The following CLASP1 variants were observed in gnomAD, a reference collection of about 807,000 sequenced individuals.
The protein encoded by CLASP1 is CLIP-associating protein 1.
A neutral mutation model predicts 192.3 loss-of-function variants in CLASP1; 38 were observed. The observed-to-expected ratio is 0.20, with a 90% CI of 0.15 to 0.26. The LOEUF (loss-of-function observed/expected upper bound fraction) is 0.26, where lower values mean the gene tolerates loss of function less well. CLASP1 is among the 10% of genes least tolerant of loss of function. The pLI is 1.00. For synonymous variants in CLASP1, 691 were observed against 712.8 expected, an observed-to-expected ratio of 0.97 and a Z score of 0.49; for missense variants, 1,433 against 1,932.5, an observed-to-expected ratio of 0.74 and a Z score of 4.85.
At chr2:121,464,089 T>G (rs1293845219) in intron 9 of CLASP1, among the ~76,000 whole-genome samples, 1 of 149,896 alleles carries the variant, frequency 6.7e-6, no homozygotes, top group Non-Finnish European at 1.5e-5. Context: ...AGTGAGCATA[T>G]GCGGTGTTTG....
intron 20 of CLASP1, 49 bp downstream of exon 20, chr2:121,430,024 G>C (rs754430394): frequency 1.3e-5 from 18 of 1,334,156 alleles, no homozygotes; most frequent in South Asian, 5.0e-5. Context: ...TGCAGAATGA[G>C]CTGTTGAATA....
intron 1 of CLASP1, among the ~76,000 whole-genome samples, chr2:121,640,226 G>C (rs1280956970): frequency 3.9e-5 from 6 of 151,980 alleles, no homozygotes; most frequent in Non-Finnish European, 8.8e-5. Context: ...GCCATGGGGT[G>C]GGGGGCCGGG....
exon 35 of CLASP1, chr2:121,367,714 G>A (rs1573884981): frequency 4.3e-6 from 7 of 1,613,992 alleles, no homozygotes; most frequent in Middle Eastern, 1.6e-4. Context: ...GGGAAGGCGC[G>A]CGGAGGCTGG....
chr2:121,558,137 A>C (rs2058742985), intron 2 of CLASP1, among the ~76,000 whole-genome samples: 1 of 152,234 alleles, frequency 6.6e-6, no homozygotes, highest in Non-Finnish European at 1.5e-5. Flanking sequence ...TAAATCATAC[A>C]ATCTATTGTT....
chr2:121,577,214 C>G (rs1383562683), intron 2 of CLASP1, among the ~76,000 whole-genome samples: 1 of 149,114 alleles, frequency 6.7e-6, no homozygotes, highest in Non-Finnish European at 1.5e-5. Context: ...TTTACTCTTA[C>G]GTATCTTTAA....
chr2:121,498,792 A>C (rs1392775287), intron 8 of CLASP1, among the ~76,000 whole-genome samples: 1 of 152,236 alleles, frequency 6.6e-6, no homozygotes, highest in Non-Finnish European at 1.5e-5. Flanking sequence ...AAGGTATTTA[A>C]AGGGCTAATA....
intron 8 of CLASP1, among the ~76,000 whole-genome samples, chr2:121,484,985 T>C (rs553883251): frequency 1.3e-5 from 2 of 152,326 alleles, no homozygotes; most frequent in African/African-American, 4.8e-5. Flanking sequence ...ATGACATTTG[T>C]AAAGACAAAT....
At chr2:121,488,273 C>T (rs1483371958) in intron 8 of CLASP1, among the ~76,000 whole-genome samples, 2 of 152,228 alleles carry the variant, frequency 1.3e-5, no homozygotes, top group Non-Finnish European at 2.9e-5. Flanking sequence ...AACCTTCATA[C>T]CTCCTGTTAT....
chr2:121,528,590 C>T (rs1482947676), intron 4 of CLASP1, 87 bp downstream of exon 4: 2 of 986,396 alleles, frequency 2.0e-6, no homozygotes, highest in Non-Finnish European at 3.3e-6. Context: ...TGGAGTCACA[C>T]CATTTGTGCA....
At chr2:121,369,395 T>C (rs1031924934) in intron 34 of CLASP1, among the ~76,000 whole-genome samples, 1 of 152,028 alleles carries the variant, frequency 6.6e-6, no homozygotes, top group Non-Finnish European at 1.5e-5. Context: ...TGGAAGAAAA[T>C]TCATGGATGG....
rs569447653 is a variant in CLASP1, at chr2:121,594,248, C to T, written c.195+11453G>A. Among the ~76,000 whole-genome samples, 26 of 149,198 alleles carry T rather than the reference C, an allele frequency of 1.7e-4. No individual in the cohort carries two copies. In the East Asian group the frequency reaches 2.0e-3, roughly 12 times the overall value. On this transcript the variant is annotated intron_variant, in intron 2 of 39. Coordinates refer to ENST00000263710, the Ensembl canonical transcript of CLASP1. ...CCGGGAGGCGGAGCTTTCAGTGAGC[C>T]GAGATCGCACCACTGCACTCCAGCC...
chr2:121,430,307 C>G (rs2081163827), intron 19 of CLASP1, 130 bp from the exon 20 acceptor site: 4 of 649,412 alleles, frequency 6.2e-6, no homozygotes, highest in Non-Finnish European at 1.1e-5. Context: ...CTTCTGTGAG[C>G]AGATCCTCCA....
intron 9 of CLASP1, among the ~76,000 whole-genome samples, chr2:121,463,629 G>A (rs1244337819): frequency 6.6e-6 from 1 of 152,076 alleles, no homozygotes. Flanking sequence ...GGACTCAAAG[G>A]CCAACAACAG....
At chr2:121,348,908 G>A (rs1484778367) in intron 37 of CLASP1, among the ~76,000 whole-genome samples, 190 bp from the exon 39 acceptor site, 2 of 152,104 alleles carry the variant, frequency 1.3e-5, no homozygotes, top group African/African-American at 2.4e-5. Context: ...CGTGGGCCAC[G>A]GAAAGGCAGG....
At chr2:121,469,212 C>T (rs193143818) in intron 9 of CLASP1, among the ~76,000 whole-genome samples, 5 of 152,212 alleles carry the variant, frequency 3.3e-5, no homozygotes, top group African/African-American at 9.6e-5. Flanking sequence ...AGCTACCTCC[C>T]GCTGGCCCAG....
chr2:121,345,550 C>T (rs1293150501), intron 39 of CLASP1, among the ~76,000 whole-genome samples: 2 of 152,150 alleles, frequency 1.3e-5, no homozygotes, highest in Non-Finnish European at 2.9e-5. Flanking sequence ...GCAGGAATCA[C>T]CTACAAATCC....
intron 2 of CLASP1, 138 bp downstream of exon 2, chr2:121,605,563 G>T: frequency 3.3e-6 from 2 of 612,998 alleles, no homozygotes; most frequent in Non-Finnish European, 5.7e-6. Context: ...AATAACCCAA[G>T]GCCACAATCT....
chr2:121,444,570 G>C (rs1405316059), intron 19 of CLASP1, among the ~76,000 whole-genome samples: 1 of 152,152 alleles, frequency 6.6e-6, no homozygotes, highest in Non-Finnish European at 1.5e-5. Context: ...GGAAAGAAAA[G>C]GAAACAAAAG....
intron 1 of CLASP1, among the ~76,000 whole-genome samples, chr2:121,613,295 T>G (rs554310544): frequency 6.6e-6 from 1 of 152,326 alleles, no homozygotes; most frequent in Non-Finnish European, 1.5e-5. Flanking sequence ...TGTCACATCA[T>G]CTTGGTCCAC....
Sources: allele counts gnomAD v4.1 joint callset (sites outside exome capture counted in the v4.1 genomes callset), GRCh38; gene constraint gnomAD v4.1.1; transcripts MANE v1.5; gene names NCBI Gene and HGNC (gene_info 2026-07-23, HGNC 2026-07-21).